The following AMOTL1 variants were observed in gnomAD, a reference collection of about 807,000 sequenced individuals.
AMOTL1 encodes angiomotin-like protein 1.
Under a neutral mutation model 102.9 loss-of-function variants are expected in AMOTL1, and 45 were observed. That is an observed-to-expected ratio of 0.44 (90% CI 0.34 to 0.56). AMOTL1 has a LOEUF of 0.56. AMOTL1 is among the 20% of genes least tolerant of loss of function. The pLI is 0.01. For missense variants in AMOTL1, 1,114 were observed against 1,225.6 expected (o/e 0.91, Z 1.36); for synonymous variants, 481 against 484.7 (o/e 0.99, Z 0.10).
chr11:94,786,119 T>G (rs1250994730), intron 1 of AMOTL1, among the ~76,000 whole-genome samples: 1 of 152,182 alleles, frequency 6.6e-6, no homozygotes, highest in Non-Finnish European at 1.5e-5. Context: ...GAAAAGAATC[T>G]CGAGTTCAGG....
chr11:94,854,654 C>G (rs1442868125), intron 8 of AMOTL1, among the ~76,000 whole-genome samples: 1 of 152,006 alleles, frequency 6.6e-6, no homozygotes. Context: ...GGGAGAGAGC[C>G]CTCTGATGTC....
chr11:94,824,830 T>C (rs10831276), intron 4 of AMOTL1, among the ~76,000 whole-genome samples: 40,320 of 152,210 alleles, frequency 0.26, 5,930 homozygotes, highest in East Asian at 0.46. Flanking sequence ...GCATTGGGAA[T>C]GTTTTGGCCC....
intron 8 of AMOTL1, among the ~76,000 whole-genome samples, chr11:94,855,116 G>A (rs948615930): frequency 3.9e-5 from 6 of 152,200 alleles, no homozygotes; most frequent in African/African-American, 1.4e-4. Context: ...GGATACCAGG[G>A]AAATGCAAGG....
chr11:94,767,872 T>C (rs1219204350), upstream of AMOTL1, among the ~76,000 whole-genome samples: 1 of 152,074 alleles, frequency 6.6e-6, no homozygotes, highest in African/African-American at 2.4e-5. Flanking sequence ...ACGGAGCACA[T>C]AGTAGCAGCT....
chr11:94,863,159 A>G (rs1369707032), intron 9 of AMOTL1, among the ~76,000 whole-genome samples: 1 of 152,028 alleles, frequency 6.6e-6, no homozygotes, highest in African/African-American at 2.4e-5. Flanking sequence ...ACAAGTTGTG[A>G]GAACTAAATG....
intron 1 of AMOTL1, among the ~76,000 whole-genome samples, chr11:94,728,406 T>C (rs891552): frequency 0.24 from 36,184 of 152,128 alleles, 5,255 homozygotes; most frequent in Middle Eastern, 0.34. Context: ...AAGTGTTCTT[T>C]TAAAATAATA....
At chr11:94,812,818 G>A (rs1951705194) in intron 3 of AMOTL1, among the ~76,000 whole-genome samples, 1 of 152,036 alleles carries the variant, frequency 6.6e-6, no homozygotes, top group African/African-American at 2.4e-5. Flanking sequence ...CTTCTGCAAA[G>A]ACTTGGGAAA....
chr11:94,840,245 G>C (rs1952269260), intron 6 of AMOTL1, among the ~76,000 whole-genome samples: 2 of 152,168 alleles, frequency 1.3e-5, no homozygotes, highest in Admixed American at 6.5e-5. Flanking sequence ...ACTATTTTTA[G>C]TTCGTGAATT....
intron 3 of AMOTL1, among the ~76,000 whole-genome samples, chr11:94,818,051 A>G (rs1951795423): frequency 6.6e-6 from 1 of 152,224 alleles, no homozygotes; most frequent in Non-Finnish European, 1.5e-5. Flanking sequence ...ACTATTTGCA[A>G]GTATATTTAA....
chr11:94,806,754 T>C lies in AMOTL1; in HGVS notation c.1121+6443T>C, dbSNP rs16921030. ...ACAATTCCAGCTGTAATGTATTAAA[T>C]GAGTGACTTCTGTAAACAGGAGGGT... On this transcript the variant is annotated intron_variant, in intron 3 of 12. Transcript: ENST00000433060. Among the ~76,000 whole-genome samples, 1,250 of 152,306 alleles carry C rather than the reference T, an allele frequency of 8.2e-3. 17 individuals are homozygous for C. Among genetic ancestry groups the C allele is most frequent in the African/African-American group, 0.028 (1,183 of 41,556 alleles).
intron 8 of AMOTL1, among the ~76,000 whole-genome samples, chr11:94,858,016 G>A (rs1214878683): frequency 1.3e-5 from 2 of 152,018 alleles, no homozygotes; most frequent in African/African-American, 2.4e-5. Flanking sequence ...AATTAGGGGG[G>A]GCTATGAAGA....
At chr11:94,848,195 G>A (rs1035530523) in intron 6 of AMOTL1, among the ~76,000 whole-genome samples, 5 of 152,186 alleles carry the variant, frequency 3.3e-5, no homozygotes, top group Middle Eastern at 3.2e-3. Flanking sequence ...GACGGGCAGC[G>A]CTAGTGGGCT....
chr11:94,759,988 C>G (rs1950772270), intron 3 of AMOTL1, among the ~76,000 whole-genome samples: 1 of 152,204 alleles, frequency 6.6e-6, no homozygotes, highest in African/African-American at 2.4e-5. Flanking sequence ...AATTCTTGGG[C>G]CCCATCCAGG....
chr11:94,715,115 C>T (rs1950076823), intron 1 of AMOTL1, among the ~76,000 whole-genome samples: 1 of 152,100 alleles, frequency 6.6e-6, no homozygotes, highest in African/African-American at 2.4e-5. Context: ...GAGACTTTCT[C>T]ATTTACCTAT....
chr11:94,722,509 T>C (rs1043324094), intron 1 of AMOTL1, among the ~76,000 whole-genome samples: 1 of 152,202 alleles, frequency 6.6e-6, no homozygotes, highest in Non-Finnish European at 1.5e-5. Context: ...ACAAAGCATG[T>C]GCTATGATAC....
intron 2 of AMOTL1, 145 bp downstream of exon 2, chr11:94,795,305 A>C (rs1273685389): frequency 1.2e-5 from 13 of 1,119,146 alleles, no homozygotes; most frequent in Non-Finnish European, 1.5e-5. Context: ...CTGTTCATAG[A>C]TGCCTTATTT....
chr11:94,846,760 C>G (rs1952421558), intron 6 of AMOTL1, among the ~76,000 whole-genome samples: 2 of 152,170 alleles, frequency 1.3e-5, no homozygotes, highest in South Asian at 4.1e-4. Flanking sequence ...AATGCAACTT[C>G]TATTTCTGCC....
intron 2 of AMOTL1, among the ~76,000 whole-genome samples, chr11:94,739,782 C>T (rs986400314): frequency 1.3e-5 from 2 of 152,182 alleles, no homozygotes; most frequent in South Asian, 4.1e-4. Context: ...ACCCTCGCCC[C>T]CTTAATGCAG....
At chr11:94,835,691 G>C (rs1197073190) in intron 6 of AMOTL1, among the ~76,000 whole-genome samples, 3 of 152,172 alleles carry the variant, frequency 2.0e-5, no homozygotes, top group African/African-American at 7.2e-5. Context: ...GGTTGCACAA[G>C]AGCCTATCTC....
Sources: allele counts gnomAD v4.1 joint callset (sites outside exome capture counted in the v4.1 genomes callset), GRCh38; gene constraint gnomAD v4.1.1; transcripts MANE v1.5; gene names NCBI Gene and HGNC (gene_info 2026-07-23, HGNC 2026-07-21).